The following APOA2 variants were observed in gnomAD, a reference collection of about 807,000 sequenced individuals.
The protein encoded by APOA2 is apolipoprotein A2, also known as apolipoprotein A-II.
APOA2 carries 3 observed loss-of-function variants against 7.4 expected under a neutral mutation model. The observed-to-expected ratio is 0.41, with a 90% CI of 0.18 to 1.05. The LOEUF is 1.05. Among genes scored for constraint, APOA2 ranks in the 50% least tolerant of loss-of-function variants. The probability of loss-of-function intolerance (pLI) is 0.33; values close to 1 mark genes in which losing one functional copy is unlikely to be tolerated. For synonymous variants in APOA2, 42 were observed against 47.8 expected, an observed-to-expected ratio of 0.88 and a Z score of 0.50; for missense variants, 90 against 116.3, an observed-to-expected ratio of 0.77 and a Z score of 1.04.
chr1:161,223,096 CTT>C, intron 2 of APOA2, 46 bp from the exon 3 acceptor site: 1 of 1,604,378 alleles, frequency 6.2e-7, no homozygotes, highest in Non-Finnish European at 8.5e-7. Flanking sequence ...CACACACACT[CTT>C]TTCAGCTGGG....
chr1:161,222,877 C>T (rs1298688834), intron 3 of APOA2, 41 bp downstream of exon 3: 1 of 1,614,150 alleles, frequency 6.2e-7, no homozygotes, highest in Non-Finnish European at 8.5e-7. Flanking sequence ...TCTTTCTCTC[C>T]ACAGTTCCAC....
chr1:161,222,307 T>G lies in APOA2; in HGVS notation c.*98A>C. The G allele has an allele frequency of 1.1e-6, 1 of 886,944 alleles. No individual in the cohort carries two copies. The highest frequency in any genetic ancestry group is 1.9e-6 in the Non-Finnish European group (1 of 536,510). The allele number at this position is 886,944 out of a possible 1,614,324, so 54.9% of individuals were successfully genotyped here. ...GGCTCAGAGCTGGATTCATTCAGCA[T>G]TTATTGTAGCAAAGAGTGGGTAGGG... On this transcript the variant is annotated 3_prime_UTR_variant, in exon 4 of 4. Coordinates refer to ENST00000367990, the MANE Select transcript of APOA2 (RefSeq NM_001643.2).
At chr1:161,223,147 C>T in intron 2 of APOA2, 97 bp from the exon 3 acceptor site, 5 of 1,593,518 alleles carry the variant, frequency 3.1e-6, no homozygotes, top group Non-Finnish European at 4.3e-6. Flanking sequence ...CATACCTCTG[C>T]CAGTACCCAC....
intron 2 of APOA2, 89 bp downstream of exon 2, chr1:161,223,261 C>T (rs894373726): frequency 1.3e-6 from 2 of 1,581,102 alleles, no homozygotes; most frequent in East Asian, 2.3e-5. Context: ...CCTTTGGTTG[C>T]CAGACCTGGA....
Position 161,223,426 on chromosome 1 carries a change from CT to C in APOA2, c.-24-2del. On this transcript the variant is annotated splice_acceptor_variant, in intron 1 of 3. Coordinates refer to ENST00000367990, the MANE Select transcript of APOA2 (RefSeq NM_001643.2). LOFTEE classifies it low-confidence loss of function (5UTR_SPLICE). Reference sequence around the variant, plus strand: ...TGTTGGTAACAGTGGGGAGGGCGGCCTAGGAAGAGGGTGGTGGGGGTTTGGG... The same window carrying C: ...TGTTGGTAACAGTGGGGAGGGCGGCCAGGAAGAGGGTGGTGGGGGTTTGGG... 2 of 1,609,860 alleles carry C rather than the reference CT, an allele frequency of 1.2e-6. No homozygotes were observed. Among genetic ancestry groups the C allele is most frequent in the South Asian group, 2.2e-5 (2 of 90,252 alleles).
At chr1:161,223,287 A>G (rs1415163475) in intron 2 of APOA2, 63 bp downstream of exon 2, 1 of 1,601,400 alleles carries the variant, frequency 6.2e-7, no homozygotes, top group Non-Finnish European at 8.5e-7. Flanking sequence ...GAGCACAGGC[A>G]GATAGGTAGC....
chr1:161,223,441 TG>T lies in APOA2; in HGVS notation c.-24-17del, dbSNP rs1186108889. 6.3e-7 allele frequency: 1 copy of T among 1,596,326 alleles called. No homozygotes were observed. Among genetic ancestry groups the T allele is most frequent in the Middle Eastern group, 1.9e-4 (1 of 5,148 alleles). Reference sequence around the variant, plus strand: ...GGAGGGCGGCCTAGGAAGAGGGTGGTGGGGGTTTGGGGGACACTGAAGCCAA... The same window carrying T: ...GGAGGGCGGCCTAGGAAGAGGGTGGTGGGGTTTGGGGGACACTGAAGCCAA... On this transcript the variant is annotated splice_polypyrimidine_tract_variant and intron_variant, in intron 1 of 3. Transcript: ENST00000367990.
Position 161,222,646 on chromosome 1 carries a change from C to A in APOA2, c.186-124G>T, listed in dbSNP as rs935199577. On this transcript the variant is annotated intron_variant, in intron 3 of 3. Transcript: ENST00000367990. ...CCAAACTCTAGTGCCTGGTCCATCG[C>A]ATGGCAAAGCCCCTAGGTAGGAATA... 4 of 971,686 alleles carry A rather than the reference C, an allele frequency of 4.1e-6. No homozygotes were observed. In the African/African-American group the frequency reaches 4.8e-5, roughly 12 times the overall value. 60.2% of individuals were successfully genotyped at this position (971,686 alleles called of 1,614,324 possible). A position where few individuals can be genotyped will look rare whatever the true frequency, so the allele number is the denominator to read the frequency against.
chr1:161,223,477 A>G, intron 1 of APOA2, 52 bp from the exon 2 acceptor site: 1 of 1,466,400 alleles, frequency 6.8e-7, no homozygotes, highest in Non-Finnish European at 9.4e-7. Flanking sequence ...AATGGGCTTC[A>G]GCTCCTCCCC....
rs1388475952 is a variant in APOA2 at position 161,222,328 on chromosome 1, T to C, written c.*77A>G. Reference sequence around the variant, plus strand: ...AGCATTTATTGTAGCAAAGAGTGGGTAGGGACAGGAGCTCTAGGACTGGCC... The same window carrying C: ...AGCATTTATTGTAGCAAAGAGTGGGCAGGGACAGGAGCTCTAGGACTGGCC... On this transcript the variant is annotated 3_prime_UTR_variant, in exon 4 of 4. Coordinates refer to ENST00000367990, the MANE Select transcript of APOA2 (RefSeq NM_001643.2). The C allele has an allele frequency of 9.7e-7, 1 of 1,033,338 alleles. No individual in the cohort carries two copies. Among genetic ancestry groups the C allele is most frequent in the East Asian group, 2.4e-5 (1 of 41,872 alleles). 64.0% of individuals were successfully genotyped at this position (1,033,338 alleles called of 1,614,324 possible).
Position 161,223,019 on chromosome 1 carries a change from T to C in APOA2, c.84A>G (p.Pro28=). 2 of 1,613,616 alleles carry C rather than the reference T, an allele frequency of 1.2e-6. No homozygotes were observed. Among genetic ancestry groups the C allele is most frequent in the Non-Finnish European group, 1.7e-6 (2 of 1,179,974 alleles). Residue 28 remains proline (P), a synonymous_variant, in exon 3 of 4, where the codon CCA becomes CCG. Coordinates refer to ENST00000367990, the MANE Select transcript of APOA2 (RefSeq NM_001643.2). ...ACTGAGAAACCAGGCTCTCCACACA[T>C]GGCTCCTTTGCCTGTCTCCGAACCA... The part of the protein sequence containing the change: ...GALVRRQAKE[P]CVESLVSQYF...
In APOA2 at chr1:161,223,178, C is replaced by T. The variant is rs112477348; in HGVS notation, c.53-128G>A. The T allele has an allele frequency of 1.5e-5, 24 of 1,565,614 alleles. No individual in the cohort carries two copies. In the African/African-American group the frequency reaches 1.8e-4, roughly 12 times the overall value. On this transcript the variant is annotated intron_variant, in intron 2 of 3. Transcript: ENST00000367990. Reference sequence around the variant, plus strand: ...CCCACCCCAGCTCTCTGCCCCCTCCCCAAAAAGGTATCCAGCCAGATCTTT... The same window carrying T: ...CCCACCCCAGCTCTCTGCCCCCTCCTCAAAAAGGTATCCAGCCAGATCTTT...
chr1:161,222,513 A>T lies in APOA2; in HGVS notation c.195T>A (p.Phe65Leu), dbSNP rs749636227. The change falls in exon 4 of 4, where the codon TTT (phenylalanine) becomes TTA (leucine). Residue 65 changes from phenylalanine to leucine, a missense_variant. By Grantham distance (22) the Phe-to-Leu change is conservative. Transcript: ENST00000367990. Reference protein sequence around the residue: ...PELQAEAKSYFEKSKEQLTPL... With the variant: ...PELQAEAKSYLEKSKEQLTPL... ...GTGTCAGCTGCTCCTTTGACTTTTC[A>T]AAGTAAGACCTGGATAGGTGAGGGG... 16 of 1,613,996 alleles carry T rather than the reference A, an allele frequency of 9.9e-6. No homozygotes were observed. In the South Asian group the frequency reaches 1.8e-4, roughly 18 times the overall value.
chr1:161,223,390 G>C lies in APOA2; in HGVS notation c.12C>G (p.Leu4=). The change falls in exon 2 of 4, where the codon CTC becomes CTG. Residue 4 remains leucine, a synonymous_variant. Coordinates refer to ENST00000367990, the MANE Select transcript of APOA2 (RefSeq NM_001643.2). MKL[L]AATVLLLTIC... ...TGGTGAGGAGTAGCACAGTTGCTGC[G>C]AGCAGCTTCATGTTGGTAACAGTGG... 1.9e-6 allele frequency: 3 copies of C among 1,613,704 alleles called. No homozygotes were observed. The highest frequency in any genetic ancestry group is 2.5e-6 in the Non-Finnish European group (3 of 1,179,866).
In APOA2 at chr1:161,222,917, C is replaced by T. The variant is rs771259264; in HGVS notation, c.185+1G>A. The T allele has an allele frequency of 3.7e-6, 6 of 1,614,242 alleles. No individual in the cohort carries two copies. The East Asian group carries it at 1.1e-4, about 30-fold the overall frequency. On this transcript the variant is annotated splice_donor_variant, in intron 3 of 3. Transcript: ENST00000367990. LOFTEE classifies it high-confidence loss of function. The stretch of plus-strand genomic sequence containing the variant: ...CCTGAACCCCTTGCCCTGAGACTTA[C>T]TTGGCCTCGGCCTGAAGCTCTGGGC...
intron 2 of APOA2, 94 bp from the exon 3 acceptor site, chr1:161,223,144 C>G (rs908705110): frequency 1.9e-6 from 3 of 1,596,458 alleles, no homozygotes; most frequent in Non-Finnish European, 1.7e-6. Context: ...TGCCATACCT[C>G]TGCCAGTACC....
Position 161,222,333 on chromosome 1 carries a change from A to G in APOA2, c.*72T>C, listed in dbSNP as rs1666181763. Reference sequence around the variant, plus strand: ...TTATTGTAGCAAAGAGTGGGTAGGGACAGGAGCTCTAGGACTGGCCAGTGG... The same window carrying G: ...TTATTGTAGCAAAGAGTGGGTAGGGGCAGGAGCTCTAGGACTGGCCAGTGG... On this transcript the variant is annotated 3_prime_UTR_variant, in exon 4 of 4. Transcript: ENST00000367990. The G allele has an allele frequency of 9.0e-7, 1 of 1,107,268 alleles. No homozygotes were observed. The highest frequency in any genetic ancestry group is 1.3e-5 in the South Asian group (1 of 78,788). The allele number at this position is 1,107,268 out of a possible 1,614,324, so 68.6% of individuals were successfully genotyped here. A position where few individuals can be genotyped will look rare whatever the true frequency, so the allele number is the denominator to read the frequency against.
At position 161,222,300 on chromosome 1, in the gene APOA2, T is replaced by C; in HGVS notation, c.*105A>G. The C allele has an allele frequency of 3.6e-6, 3 of 843,122 alleles. No homozygotes were observed. The highest frequency in any genetic ancestry group is 6.0e-6 in the Non-Finnish European group (3 of 499,626). 52.2% of individuals were successfully genotyped at this position (843,122 alleles called of 1,614,324 possible). On this transcript the variant is annotated 3_prime_UTR_variant, in exon 4 of 4. Coordinates refer to ENST00000367990, the MANE Select transcript of APOA2 (RefSeq NM_001643.2). ...CATACCAGGCTCAGAGCTGGATTCATTCAGCATTTATTGTAGCAAAGAGTG... is the reference window on the plus strand; with the variant it reads ...CATACCAGGCTCAGAGCTGGATTCACTCAGCATTTATTGTAGCAAAGAGTG...
At chr1:161,223,567 G>C in intron 1 of APOA2, 28 bp downstream of exon 1, 1 of 698,534 alleles carries the variant, frequency 1.4e-6, no homozygotes, top group Non-Finnish European at 2.5e-6. Flanking sequence ...TTTGGATGCT[G>C]CTCACACATC....
Sources: allele counts gnomAD v4.1 joint callset, GRCh38; gene constraint gnomAD v4.1.1; transcripts MANE v1.5; gene names NCBI Gene and HGNC (gene_info 2026-07-23, HGNC 2026-07-21).